Variants in ASB7 observed in about 807,000 individuals in gnomAD.
ASB7 encodes the protein ankyrin repeat and SOCS box protein 7.
A neutral mutation model predicts 32.5 loss-of-function variants in ASB7; 4 were observed. The ratio of observed to expected loss-of-function variants is 0.12; its 90% CI spans 0.06 to 0.28. ASB7 has a LOEUF of 0.28. Ranked by LOEUF, ASB7 falls within the 10% of genes least tolerant of loss-of-function variation. ASB7 has a pLI of 1.00. For missense variants in ASB7, 181 were observed against 407.1 expected, an observed-to-expected ratio of 0.44 and a Z score of 4.78; for synonymous variants, 172 against 155.6, an observed-to-expected ratio of 1.11 and a Z score of -0.78.
At chr15:100,618,622 G>GGTGT (rs57805541) in intron 4 of ASB7, among the ~76,000 whole-genome samples, 41,660 of 150,158 alleles carry the variant, frequency 0.28, 5,833 homozygotes, top group Middle Eastern at 0.35. Flanking sequence ...CTGTGTGTGT[G>GGTGT]GTGTGTGTGT....
Position 100,648,417 on chromosome 15 carries a change from C to G in ASB7, c.912C>G (p.Ala304=), listed in dbSNP as rs533154753. ...NLKLLDELPI[A]KVMKDYLKHK... is the part of the protein sequence containing the mutation. ...AGCTACTTGATGAACTACCAATTGC[C>G]AAGGTCATGAAAGACTACTTAAAAC... The change falls in exon 6 of 6, where the codon GCC becomes GCG. Residue 304 remains alanine (A), a synonymous_variant. Coordinates refer to ENST00000332783, the MANE Select transcript of ASB7 (RefSeq NM_198243.3). The G allele has an allele frequency of 7.5e-6, 12 of 1,610,026 alleles. No individual in the cohort carries two copies. In the African/African-American group the frequency reaches 1.5e-4, roughly 20 times the overall value.
At chr15:100,635,586 C>T (rs2039916488) in intron 5 of ASB7, among the ~76,000 whole-genome samples, 1 of 152,198 alleles carries the variant, frequency 6.6e-6, no homozygotes, top group Admixed American at 6.5e-5. Flanking sequence ...CTTTGGGCTT[C>T]CCTAAGCAGC....
At position 100,651,623 on chromosome 15, in the gene ASB7, A is replaced by C. The variant is rs1425877725; in HGVS notation, c.*3161A>C. The stretch of plus-strand genomic sequence containing the variant: ...TGTAACTCCTAGTGTGTTATATCAT[A>C]ATGTATTTTGTTCTTCCTTTTTAAT... On this transcript the variant is annotated 3_prime_UTR_variant, in exon 6 of 6. Coordinates refer to ENST00000332783, the MANE Select transcript of ASB7 (RefSeq NM_198243.3). 2.0e-5 allele frequency: 3 copies of C among 152,186 alleles called. No homozygotes were observed. Among genetic ancestry groups the C allele is most frequent in the Non-Finnish European group, 4.4e-5 (3 of 68,036 alleles). The allele number at this position is 152,186 out of a possible 1,614,324, so 9.4% of individuals were successfully genotyped here. A position where few individuals can be genotyped will look rare whatever the true frequency, so the allele number is the denominator to read the frequency against.
chr15:100,635,180 C>A (rs2039913938), intron 5 of ASB7, among the ~76,000 whole-genome samples: 1 of 152,206 alleles, frequency 6.6e-6, no homozygotes, highest in African/African-American at 2.4e-5. Context: ...CACATCTGTA[C>A]TGTGTTGAGA....
intron 4 of ASB7, among the ~76,000 whole-genome samples, chr15:100,618,757 C>T (rs1218377787): frequency 6.6e-6 from 1 of 152,088 alleles, no homozygotes; most frequent in Non-Finnish European, 1.5e-5. Context: ...TAATAGATGC[C>T]AGGCCCAGGG....
chr15:100,602,700 T>C lies in ASB7; in HGVS notation c.-619T>C. 2 of 339,624 alleles carry C rather than the reference T, an allele frequency of 5.9e-6. No individual in the cohort carries two copies. Among genetic ancestry groups the C allele is most frequent in the East Asian group, 4.5e-5 (1 of 22,192 alleles). 21.0% of individuals were successfully genotyped at this position (339,624 alleles called of 1,614,324 possible). A position where few individuals can be genotyped will look rare whatever the true frequency, so the allele number is the denominator to read the frequency against. On this transcript the variant is annotated 5_prime_UTR_variant, in exon 1 of 6. Transcript: ENST00000332783. ...CTGGCACTTCGGGCCCCGTATGACC[T>C]GGGACCTCGCCGTCCCGAGACCTCC...
At chr15:100,645,651 C>G in intron 5 of ASB7, 1 of 1,219,500 alleles carries the variant, frequency 8.2e-7, no homozygotes, top group South Asian at 1.2e-5. Flanking sequence ...GTCTCCCAAC[C>G]TGTATGTGAG....
intron 2 of ASB7, among the ~76,000 whole-genome samples, chr15:100,606,195 T>A (rs781109087): frequency 2.4e-4 from 37 of 152,018 alleles, no homozygotes; most frequent in Non-Finnish European, 5.3e-4. Context: ...AAGGATTGTT[T>A]TTTTTTTCTC....
At chr15:100,622,800 A>G (rs1307523253) in intron 4 of ASB7, among the ~76,000 whole-genome samples, 1 of 152,210 alleles carries the variant, frequency 6.6e-6, no homozygotes, top group African/African-American at 2.4e-5. Flanking sequence ...ATGGATTAAA[A>G]ACATAAACAT....
chr15:100,611,515 T>C (rs1281414483), intron 3 of ASB7, among the ~76,000 whole-genome samples: 3 of 114,162 alleles, frequency 2.6e-5, no homozygotes, highest in Non-Finnish European at 5.8e-5. Context: ...AATTTCACTC[T>C]CTTGCCCAGG....
intron 2 of ASB7, among the ~76,000 whole-genome samples, chr15:100,603,919 T>C (rs2039607494): frequency 6.6e-6 from 1 of 152,234 alleles, no homozygotes; most frequent in South Asian, 2.1e-4. Context: ...ACAACATTAT[T>C]ACCCTGAAGC....
intron 3 of ASB7, among the ~76,000 whole-genome samples, chr15:100,611,907 T>A (rs2039699979): frequency 1.3e-5 from 2 of 150,828 alleles, no homozygotes; most frequent in South Asian, 2.1e-4. Flanking sequence ...GCCGCTTTGA[T>A]CTCCTGGGTT....
At chr15:100,638,221 C>G (rs2039937757) in intron 5 of ASB7, 1 of 152,072 alleles carries the variant, frequency 6.6e-6, no homozygotes, top group Admixed American at 6.5e-5. Context: ...TTTGATGAAT[C>G]TCTAATGTAT....
At position 100,635,300 on chromosome 15, in the gene ASB7, G is replaced by T. The variant is rs568329896; in HGVS notation, c.817+5258G>T. 2.6e-4 allele frequency among the ~76,000 whole-genome samples: 39 copies of T among 152,188 alleles called. No individual in the cohort carries two copies. The South Asian group carries it at 8.1e-3, about 32-fold the overall frequency. On this transcript the variant is annotated intron_variant, in intron 5 of 5. Transcript: ENST00000332783. Reference sequence around the variant, plus strand: ...AATTAATGGTTGTTTTAAATTCCCCGGCTGGTAATTCCAACACCTGTGTCA... The same window carrying T: ...AATTAATGGTTGTTTTAAATTCCCCTGCTGGTAATTCCAACACCTGTGTCA...
At chr15:100,628,571 G>A (rs1007261132) in intron 4 of ASB7, among the ~76,000 whole-genome samples, 5 of 152,224 alleles carry the variant, frequency 3.3e-5, no homozygotes, top group Admixed American at 6.5e-5. Flanking sequence ...GTCCTCGTCC[G>A]TCTTCTGCCC....
In ASB7 at chr15:100,642,232, A is replaced by G. The variant is rs551397510; in HGVS notation, c.818-6091A>G. Reference sequence around the variant, plus strand: ...ATGCAGAGATAAATAACTTGTGAGGATGGTAGCATTTCTGTCAGTGCTTCC... The same window carrying G: ...ATGCAGAGATAAATAACTTGTGAGGGTGGTAGCATTTCTGTCAGTGCTTCC... On this transcript the variant is annotated intron_variant, in intron 5 of 5. Transcript: ENST00000332783. Among the ~76,000 whole-genome samples, 13 of 152,346 alleles carry G rather than the reference A, an allele frequency of 8.5e-5. No homozygotes were observed. The South Asian group carries it at 2.1e-3, about 24-fold the overall frequency.
At chr15:100,618,090 C>A (rs934165098) in intron 4 of ASB7, among the ~76,000 whole-genome samples, 2 of 152,056 alleles carry the variant, frequency 1.3e-5, no homozygotes, top group African/African-American at 4.8e-5. Context: ...CTGTTACTTT[C>A]AAAACAGTAT....
intron 5 of ASB7, among the ~76,000 whole-genome samples, chr15:100,632,543 A>G (rs2039891680): frequency 1.3e-5 from 2 of 152,298 alleles, no homozygotes; most frequent in Non-Finnish European, 2.9e-5. Flanking sequence ...AAGCAGCTTG[A>G]AAGAAGGTTG....
chr15:100,629,890 C>T lies in ASB7; in HGVS notation c.665C>T (p.Ala222Val). The change falls in exon 5 of 6, where the codon GCC (alanine) becomes GTC (valine). Residue 222 changes from alanine (A) to valine (V), a missense_variant. By Grantham distance (64) the Ala-to-Val change is moderately conservative (BLOSUM62 0). Coordinates refer to ENST00000332783, the MANE Select transcript of ASB7 (RefSeq NM_198243.3). The surrounding 1 kb of genome is among the most constrained non-coding windows in gnomAD (Gnocchi z 6.8). The part of the protein sequence containing the change: ...EDGQTPLHLS[A>V]LRDDVLCARM... The stretch of plus-strand genomic sequence containing the variant: ...GGACAGACTCCTTTACACTTATCTG[C>T]CCTTAGGGATGATGTGCTGTGTGCA... The T allele has an allele frequency of 6.2e-7, 1 of 1,614,122 alleles. No homozygotes were observed. Among genetic ancestry groups the T allele is most frequent in the Non-Finnish European group, 8.5e-7 (1 of 1,180,010 alleles).
Sources: gnomAD v4.1 joint callset for allele counts (sites outside exome capture counted in the v4.1 genomes callset) on GRCh38, gnomAD v4.1.1 for gene constraint, Gnocchi (gnomAD v3.1) non-coding constraint, MANE v1.5 for transcripts, NCBI Gene and HGNC (gene_info 2026-07-23, HGNC 2026-07-21) for gene names.